ALG9: variants seen among roughly 807,000 people sequenced by gnomAD.
ALG9 encodes ALG9 alpha-1,2-mannosyltransferase.
ALG9 carries 55 observed loss-of-function variants against 81.8 expected under a neutral mutation model. The observed-to-expected ratio is 0.67, with a 90% CI of 0.54 to 0.84. The LOEUF (loss-of-function observed/expected upper bound fraction) is 0.84. ALG9 is among the 40% of genes least tolerant of loss of function. ALG9 has a pLI of 0.00. For missense variants in ALG9, 629 were observed against 745.0 expected, an observed-to-expected ratio of 0.84 and a Z score of 1.81; for synonymous variants, 278 against 274.3, an observed-to-expected ratio of 1.01 and a Z score of -0.13.
intron 13 of ALG9, among the ~76,000 whole-genome samples, chr11:111,819,863 G>A (rs229279): frequency 0.036 from 5,505 of 152,160 alleles, 342 homozygotes; most frequent in African/African-American, 0.12. Flanking sequence ...GCATATCTCA[G>A]GCAGTCAAAA....
intron 14 of ALG9, among the ~76,000 whole-genome samples, chr11:111,790,575 G>A (rs369579452): frequency 8.5e-5 from 13 of 152,300 alleles, no homozygotes; most frequent in African/African-American, 2.2e-4. Context: ...AAAAATAAAA[G>A]AGATTGGGAG....
At chr11:111,826,334 T>C (rs1953278422) in intron 13 of ALG9, among the ~76,000 whole-genome samples, 1 of 150,860 alleles carries the variant, frequency 6.6e-6, no homozygotes. Context: ...TGCAGTGAGC[T>C]GTGACTGTAC....
At chr11:111,817,785 T>C (rs1446386339) in intron 13 of ALG9, among the ~76,000 whole-genome samples, 8 of 151,380 alleles carry the variant, frequency 5.3e-5, no homozygotes, top group African/African-American at 1.7e-4. Flanking sequence ...TTCTTTTTTT[T>C]TTTTTTTTTT....
At chr11:111,778,995 G>C (rs1945782253), downstream of ALG9, among the ~76,000 whole-genome samples, 1 of 152,014 alleles carries the variant, frequency 6.6e-6, no homozygotes, top group Admixed American at 6.6e-5. Context: ...TGTATTTTTA[G>C]TAGAGACAGG....
At chr11:111,805,209 C>T in intron 14 of ALG9, 1 of 455,628 alleles carries the variant, frequency 2.2e-6, no homozygotes, top group Non-Finnish European at 4.4e-6. Flanking sequence ...AGCTTGTCTT[C>T]TTGCAGCCAT....
At chr11:111,835,979 G>C (rs555277071) in intron 13 of ALG9, among the ~76,000 whole-genome samples, 186 bp downstream of exon 13, 1 of 152,254 alleles carries the variant, frequency 6.6e-6, no homozygotes, top group African/African-American at 2.4e-5. Flanking sequence ...TCGAACTTCT[G>C]AATTCAAGCA....
intron 9 of ALG9, among the ~76,000 whole-genome samples, chr11:111,844,299 C>T (rs909640950): frequency 5.3e-5 from 8 of 152,222 alleles, no homozygotes; most frequent in Middle Eastern, 3.4e-3. Flanking sequence ...CCACCGCGCC[C>T]GGCCTCCTTC....
Position 111,868,590 on chromosome 11 carries a change from G to C in ALG9, c.405+12C>G, listed in dbSNP as rs541741085. On this transcript the variant is annotated intron_variant, in intron 3 of 14. Transcript: ENST00000616540. ...ATCAATTGTGATTGCTTCCAGGTTG[G>C]TCTGCCCTTACCTTATTAGTTTGTA... 4 of 1,612,034 alleles carry C rather than the reference G, an allele frequency of 2.5e-6. No homozygotes were observed. The African/African-American group carries it at 4.0e-5, about 16-fold the overall frequency.
intron 14 of ALG9, among the ~76,000 whole-genome samples, chr11:111,804,222 C>T (rs930594080): frequency 6.6e-6 from 1 of 151,262 alleles, no homozygotes; most frequent in African/African-American, 2.4e-5. Context: ...TAAATGAACT[C>T]GGGTTTGGCA....
intron 14 of ALG9, among the ~76,000 whole-genome samples, chr11:111,802,919 T>TG (rs1439593439): frequency 6.6e-6 from 1 of 152,192 alleles, no homozygotes; most frequent in African/African-American, 2.4e-5. Context: ...CTTTCTCAGC[T>TG]GATAATCCCA....
At position 111,786,490 on chromosome 11, in the gene ALG9, G is replaced by T; in HGVS notation, c.1764C>A (p.Val588=). The change falls in exon 15 of 15, where the codon GTC becomes GTA. Residue 588 remains valine (V), a synonymous_variant. Transcript: ENST00000616540. ...RSSKLLRAFY[V]PFLSDQYTVY... is the part of the protein sequence containing the mutation. ...CTGTATACTGATCTGACAGGAAGGGGACATAGAATGCCCGCAGCAGCTTTG... is the reference window on the plus strand; with the variant it reads ...CTGTATACTGATCTGACAGGAAGGGTACATAGAATGCCCGCAGCAGCTTTG... 1 of 1,614,018 alleles carries T rather than the reference G, an allele frequency of 6.2e-7. No homozygotes were observed. Among genetic ancestry groups the T allele is most frequent in the Non-Finnish European group, 8.5e-7 (1 of 1,179,986 alleles).
the ALG9 span, among the ~76,000 whole-genome samples, chr11:111,776,029 G>C: frequency 6.6e-6 from 1 of 152,122 alleles, no homozygotes. Context: ...TAAGGTTGTT[G>C]TGACGACTAT....
Position 111,782,536 on chromosome 11 carries a change from T to C in ALG9, c.*3861A>G, listed in dbSNP as rs1350421194. The C allele has an allele frequency of 6.5e-6, 1 of 152,688 alleles. No homozygotes were observed. Among genetic ancestry groups the C allele is most frequent in the Admixed American group, 6.5e-5 (1 of 15,276 alleles). 9.5% of individuals were successfully genotyped at this position (152,688 alleles called of 1,614,324 possible). A position where few individuals can be genotyped will look rare whatever the true frequency, so the allele number is the denominator to read the frequency against. On this transcript the variant is annotated 3_prime_UTR_variant, in exon 15 of 15. Transcript: ENST00000616540. ...GGCATTTAATGTAGGAGCATAAGAA[T>C]GCACTGATTAACACGTGAGCTTTAA...
intron 10 of ALG9, among the ~76,000 whole-genome samples, chr11:111,839,049 AT>A (rs142412274): frequency 0.011 from 1,713 of 152,190 alleles, 47 homozygotes; most frequent in African/African-American, 0.04. Context: ...CCTTTTTCAT[AT>A]TTTTTGGAAT....
At chr11:111,813,205 T>C (rs1950994798) in intron 13 of ALG9, among the ~76,000 whole-genome samples, 2 of 152,096 alleles carry the variant, frequency 1.3e-5, no homozygotes, top group Non-Finnish European at 2.9e-5. Context: ...TAAAAGAATA[T>C]CTTCAAGATC....
At position 111,838,230 on chromosome 11, in the gene ALG9, A is replaced by G; in HGVS notation, c.1324+19T>C. On this transcript the variant is annotated intron_variant, in intron 11 of 14. Coordinates refer to ENST00000616540, the MANE Select transcript of ALG9 (RefSeq NM_024740.2). ...AAGTGACTCGTCAGTGTAGGTTAAG[A>G]TATTCTTAGAAGATCTACCTCTGAA... The G allele has an allele frequency of 6.2e-7, 1 of 1,613,832 alleles. No individual in the cohort carries two copies. The highest frequency in any genetic ancestry group is 8.5e-7 in the Non-Finnish European group (1 of 1,179,732).
chr11:111,851,477 C>CAAAA (rs11343980), intron 8 of ALG9, among the ~76,000 whole-genome samples: 3 of 105,068 alleles, frequency 2.9e-5, no homozygotes, highest in African/African-American at 3.6e-5. Context: ...AACTCCATCT[C>CAAAA]AAAAAAAAAA....
downstream of ALG9, among the ~76,000 whole-genome samples, chr11:111,778,527 G>A (rs1945756221): frequency 6.6e-6 from 1 of 152,180 alleles, no homozygotes; most frequent in Admixed American, 6.5e-5. Flanking sequence ...AGTAGACAGA[G>A]AAATAGGTCT....
chr11:111,817,956 T>G (rs782373188), intron 13 of ALG9, among the ~76,000 whole-genome samples: 7 of 152,072 alleles, frequency 4.6e-5, no homozygotes, highest in Non-Finnish European at 8.8e-5. Context: ...TTTTTATATT[T>G]TTAATAGAGA....
Sources: allele counts gnomAD v4.1 joint callset (sites outside exome capture counted in the v4.1 genomes callset), GRCh38; gene constraint gnomAD v4.1.1; transcripts MANE v1.5; gene names NCBI Gene and HGNC (gene_info 2026-07-23, HGNC 2026-07-21).